Variants in ASIP observed in about 807,000 individuals in gnomAD.
ASIP encodes the protein agouti-signaling protein.
ASIP carries 11 observed loss-of-function variants against 10.3 expected under a neutral mutation model. The observed-to-expected ratio is 1.07, with a 90% confidence interval of 0.68 to 1.78. The LOEUF is 1.78. Among genes scored for constraint, ASIP ranks in the 40% most tolerant of loss-of-function variants. The pLI, the probability that ASIP is intolerant of heterozygous loss-of-function variation, is 0.00. For synonymous variants in ASIP, 70 were observed against 70.8 expected, an observed-to-expected ratio of 0.99 and a Z score of 0.06; for missense variants, 180 against 169.2, an observed-to-expected ratio of 1.06 and a Z score of -0.35.
chr20:34,188,151 A>G, the ASIP span, among the ~76,000 whole-genome samples: 1 of 152,244 alleles, frequency 6.6e-6, no homozygotes, highest in Non-Finnish European at 1.5e-5. Context: ...TATGTGTGCC[A>G]TTCTATCCTA....
intron 1 of ASIP, among the ~76,000 whole-genome samples, chr20:34,227,395 G>A (rs1028398387): frequency 2.0e-5 from 3 of 152,106 alleles, no homozygotes; most frequent in Admixed American, 2.0e-4. Flanking sequence ...TACTTAGGGA[G>A]GCCGAGGCAG....
intron 1 of ASIP, among the ~76,000 whole-genome samples, chr20:34,243,724 T>C (rs2122610634): frequency 6.6e-6 from 1 of 151,646 alleles, no homozygotes; most frequent in Non-Finnish European, 1.5e-5. Context: ...ATTTTACATC[T>C]TTCTAATACT....
intron 1 of ASIP, chr20:34,213,802 A>C: frequency 1.3e-6 from 2 of 1,510,508 alleles, no homozygotes. Flanking sequence ...GAGGGCCAGC[A>C]AGAATGTCTG....
chr20:34,238,626 T>C, upstream of ASIP, among the ~76,000 whole-genome samples: 1 of 152,168 alleles, frequency 6.6e-6, no homozygotes, highest in East Asian at 1.9e-4. Flanking sequence ...TGTTTTAATA[T>C]ATTTGTCTAG....
At chr20:34,259,830 C>G (rs879783734) in intron 1 of ASIP, among the ~76,000 whole-genome samples, 1 of 152,050 alleles carries the variant, frequency 6.6e-6, no homozygotes, top group Non-Finnish European at 1.5e-5. Context: ...CCTCCTGACA[C>G]AAACTATACC....
At chr20:34,248,386 C>G (rs1420335274) in intron 1 of ASIP, among the ~76,000 whole-genome samples, 1 of 152,058 alleles carries the variant, frequency 6.6e-6, no homozygotes, top group Non-Finnish European at 1.5e-5. Flanking sequence ...TATAAAAATC[C>G]CATTACTTAG....
At chr20:34,225,559 A>C (rs1281507675) in intron 1 of ASIP, among the ~76,000 whole-genome samples, 1 of 152,084 alleles carries the variant, frequency 6.6e-6, no homozygotes, top group Admixed American at 6.6e-5. Context: ...GTAATTTACA[A>C]AAAAAATTAA....
At chr20:34,253,208 C>A (rs1296410902) in intron 1 of ASIP, among the ~76,000 whole-genome samples, 2 of 151,270 alleles carry the variant, frequency 1.3e-5, no homozygotes, top group Middle Eastern at 3.4e-3. Context: ...TGGGTTCACA[C>A]CATTCTCCTG....
At chr20:34,239,817 C>T (rs1013815243), upstream of ASIP, among the ~76,000 whole-genome samples, 2 of 152,154 alleles carry the variant, frequency 1.3e-5, no homozygotes, top group South Asian at 2.1e-4. Flanking sequence ...ATCCCCTATC[C>T]CACTCTTCTG....
At chr20:34,191,269 C>T (rs899782007), upstream of ASIP, among the ~76,000 whole-genome samples, 3 of 152,178 alleles carry the variant, frequency 2.0e-5, no homozygotes, top group African/African-American at 7.2e-5. Flanking sequence ...GGAGCTTACA[C>T]ATACTGGGGG....
chr20:34,236,498 T>C (rs1218688112), upstream of ASIP, among the ~76,000 whole-genome samples: 1 of 151,658 alleles, frequency 6.6e-6, no homozygotes, highest in Non-Finnish European at 1.5e-5. Flanking sequence ...GAGCTGAGAT[T>C]GCACCACTGC....
At chr20:34,205,368 T>C (rs1313699362) in intron 1 of ASIP, among the ~76,000 whole-genome samples, 1 of 152,046 alleles carries the variant, frequency 6.6e-6, no homozygotes, top group African/African-American at 2.4e-5. Flanking sequence ...GTGGTGAGTG[T>C]TACAGCTCAT....
chr20:34,246,724 C>T (rs968637814), intron 1 of ASIP, among the ~76,000 whole-genome samples: 1 of 152,218 alleles, frequency 6.6e-6, no homozygotes, highest in Admixed American at 6.5e-5. Flanking sequence ...TCCCAAAGTG[C>T]TGGGATTACA....
In ASIP at chr20:34,261,369, T is replaced by G. The variant is rs549043862; in HGVS notation, c.160+835T>G. Reference sequence around the variant, plus strand: ...TTAAAAACTAGCAAGGCACGTGGCATGCACCTGTAATCCCAGCACTTTCGT... The same window carrying G: ...TTAAAAACTAGCAAGGCACGTGGCAGGCACCTGTAATCCCAGCACTTTCGT... On this transcript the variant is annotated intron_variant, in intron 2 of 3. Transcript: ENST00000374954. Among the ~76,000 whole-genome samples the G allele has an allele frequency of 5.9e-5, 9 of 152,240 alleles. No homozygotes were observed. The East Asian group carries it at 1.7e-3, about 29-fold the overall frequency.
chr20:34,192,261 C>T (rs2034828626), upstream of ASIP, among the ~76,000 whole-genome samples: 2 of 151,928 alleles, frequency 1.3e-5, no homozygotes, highest in African/African-American at 4.8e-5. Flanking sequence ...AAGCCCCCGA[C>T]CTTAGGTGAT....
At chr20:34,206,994 A>G (rs973398588) in intron 1 of ASIP, among the ~76,000 whole-genome samples, 13 of 152,202 alleles carry the variant, frequency 8.5e-5, no homozygotes, top group Non-Finnish European at 1.8e-4. Context: ...GATACACTGA[A>G]TTCCTTTCTT....
At chr20:34,247,539 C>T (rs895532780) in intron 1 of ASIP, among the ~76,000 whole-genome samples, 1 of 151,856 alleles carries the variant, frequency 6.6e-6, no homozygotes, top group Non-Finnish European at 1.5e-5. Flanking sequence ...CCTCGTGATC[C>T]ACCCACCTCA....
intron 1 of ASIP, among the ~76,000 whole-genome samples, chr20:34,252,485 A>T (rs1372024738): frequency 1.3e-5 from 2 of 152,220 alleles, no homozygotes; most frequent in African/African-American, 2.4e-5. Context: ...AAAGAGTAAC[A>T]GAGCAGTATT....
intron 3 of ASIP, among the ~76,000 whole-genome samples, chr20:34,268,193 G>T (rs936685033): frequency 1.3e-5 from 2 of 152,170 alleles, no homozygotes; most frequent in Non-Finnish European, 2.9e-5. Context: ...GATGACCAGT[G>T]GCTACCTGTA....
Sources: gnomAD v4.1 joint callset for allele counts (sites outside exome capture counted in the v4.1 genomes callset) on GRCh38, gnomAD v4.1.1 for gene constraint, MANE v1.5 for transcripts, NCBI Gene and HGNC (gene_info 2026-07-23, HGNC 2026-07-21) for gene names.